GPR158: variants seen among roughly 807,000 people sequenced by gnomAD.
GPR158 encodes G protein-coupled receptor 158, also known as metabotropic glycine receptor.
A neutral mutation model predicts 78.2 loss-of-function variants in GPR158; 30 were observed. The observed-to-expected ratio is 0.38, with a 90% CI of 0.29 to 0.52. The LOEUF is 0.52. GPR158 is among the 20% of genes least tolerant of loss of function. GPR158 has a pLI of 0.83. For synonymous variants in GPR158, 581 were observed against 591.1 expected (o/e 0.98, Z 0.25); for missense variants, 1,463 against 1,523.5 (o/e 0.96, Z 0.66).
intron 1 of GPR158, among the ~76,000 whole-genome samples, chr10:25,191,509 A>G (rs567790341): frequency 2.6e-5 from 4 of 152,358 alleles, no homozygotes; most frequent in Middle Eastern, 3.4e-3. Context: ...TCTGAAGTCT[A>G]TATTAAACAC....
chr10:25,210,378 GAAATCCAA>G (rs1853110976), intron 1 of GPR158, among the ~76,000 whole-genome samples: 1 of 152,120 alleles, frequency 6.6e-6, no homozygotes, highest in Non-Finnish European at 1.5e-5. Flanking sequence ...CTTCAAATGA[GAAATCCAA>G]AAGCAGGATT....
intron 1 of GPR158, among the ~76,000 whole-genome samples, chr10:25,219,573 C>T (rs1164455328): frequency 6.6e-6 from 1 of 152,194 alleles, no homozygotes; most frequent in Admixed American, 6.5e-5. Context: ...TCTGGATTAT[C>T]TGGATAAACC....
At chr10:25,512,982 C>G (rs1013522293) in intron 5 of GPR158, among the ~76,000 whole-genome samples, 2 of 151,958 alleles carry the variant, frequency 1.3e-5, no homozygotes, top group African/African-American at 4.8e-5. Flanking sequence ...GGATATTTGT[C>G]TGTAGTTTTC....
intron 2 of GPR158, among the ~76,000 whole-genome samples, chr10:25,319,310 G>A (rs577798711): frequency 6.6e-6 from 1 of 152,220 alleles, no homozygotes; most frequent in East Asian, 1.9e-4. Flanking sequence ...ACAGTATATT[G>A]ACATTTACTG....
chr10:25,529,786 C>T (rs2130692020), intron 5 of GPR158, among the ~76,000 whole-genome samples: 1 of 152,240 alleles, frequency 6.6e-6, no homozygotes, highest in Non-Finnish European at 1.5e-5. Flanking sequence ...CCACTGGGAC[C>T]ATGGCCTGAT....
At chr10:25,281,989 A>T (rs1357879239) in intron 2 of GPR158, among the ~76,000 whole-genome samples, 1 of 152,206 alleles carries the variant, frequency 6.6e-6, no homozygotes, top group Non-Finnish European at 1.5e-5. Context: ...AAATTTGCAT[A>T]AACTAAAATT....
intron 2 of GPR158, among the ~76,000 whole-genome samples, chr10:25,265,907 A>G (rs768660878): frequency 2.0e-5 from 3 of 152,120 alleles, no homozygotes; most frequent in African/African-American, 4.8e-5. Flanking sequence ...TGAAACTCTG[A>G]TGTTACCACC....
At chr10:25,533,333 A>T (rs1836450117) in intron 5 of GPR158, among the ~76,000 whole-genome samples, 1 of 152,228 alleles carries the variant, frequency 6.6e-6, no homozygotes, top group Non-Finnish European at 1.5e-5. Flanking sequence ...TAAGAAAAAA[A>T]TCATTCAGTC....
intron 3 of GPR158, among the ~76,000 whole-genome samples, chr10:25,410,769 A>G (rs1428349820): frequency 1.3e-5 from 2 of 152,116 alleles, no homozygotes; most frequent in South Asian, 2.1e-4. Context: ...AATAAAATCC[A>G]TTTGCTTTTC....
chr10:25,308,653 TC>T (rs1854719171), intron 2 of GPR158, among the ~76,000 whole-genome samples: 1 of 152,170 alleles, frequency 6.6e-6, no homozygotes, highest in Admixed American at 6.6e-5. Context: ...ACTCTCCATT[TC>T]CAGAACTCTT....
intron 6 of GPR158, among the ~76,000 whole-genome samples, chr10:25,559,045 T>A (rs1393617408): frequency 1.3e-5 from 2 of 152,200 alleles, no homozygotes; most frequent in Non-Finnish European, 2.9e-5. Flanking sequence ...CATCAGTTAT[T>A]GAGAGAGGGG....
At chr10:25,537,286 C>T (rs1836513524) in intron 5 of GPR158, among the ~76,000 whole-genome samples, 1 of 152,110 alleles carries the variant, frequency 6.6e-6, no homozygotes, top group African/African-American at 2.4e-5. Context: ...GCTCTTTCAG[C>T]CTTAATATAG....
At chr10:25,189,524 A>G (rs906989696) in intron 1 of GPR158, among the ~76,000 whole-genome samples, 2 of 152,138 alleles carry the variant, frequency 1.3e-5, no homozygotes, top group African/African-American at 4.8e-5. Context: ...TTCTCAGCAA[A>G]CTATCACAAG....
chr10:25,241,174 TTTCTTTCTTTCTTTCC>T (rs1853606485), intron 2 of GPR158, among the ~76,000 whole-genome samples: 1 of 111,834 alleles, frequency 8.9e-6, no homozygotes, highest in Non-Finnish European at 1.8e-5. Flanking sequence ...TCTTTCTTTC[TTTCTTTCTTTCTTTCC>T]TTTCTTTCTT....
In GPR158 at chr10:25,596,536, G is replaced by GGTATAGATATAGATACCT. The variant is rs1261243293; in HGVS notation, c.1999-106_1999-89dup. 4.2e-6 allele frequency: 3 copies of GGTATAGATATAGATACCT among 710,174 alleles called. No homozygotes were observed. In the African/African-American group the frequency reaches 5.4e-5, roughly 13 times the overall value. 44.0% of individuals were successfully genotyped at this position (710,174 alleles called of 1,614,324 possible). ...ATATATAGATAGATAGATAGATCTA[G>GGTATAGATATAGATACCT]GTATAGATATAGATACCTATATAGA... On this transcript the variant is annotated intron_variant, in intron 9 of 10. Transcript: ENST00000376351.
At chr10:25,234,554 A>T (rs190194579) in intron 2 of GPR158, among the ~76,000 whole-genome samples, 1 of 152,170 alleles carries the variant, frequency 6.6e-6, no homozygotes, top group African/African-American at 2.4e-5. Flanking sequence ...AAAGGATGGA[A>T]TATTCTGTAT....
intron 4 of GPR158, among the ~76,000 whole-genome samples, chr10:25,437,867 G>A (rs1191837437): frequency 1.3e-5 from 2 of 152,198 alleles, no homozygotes; most frequent in South Asian, 2.1e-4. Context: ...AGAGGAGCCC[G>A]AGGATTGAAG....
At position 25,519,428 on chromosome 10, in the gene GPR158, G is replaced by GGT. The variant is rs1433344479; in HGVS notation, c.1405-31546_1405-31545dup. 9.4e-4 allele frequency among the ~76,000 whole-genome samples: 119 copies of GGT among 126,264 alleles called. 2 individuals are homozygous for GGT. The East Asian group carries it at 0.026, about 27-fold the overall frequency. 82.8% of individuals were successfully genotyped at this position (126,264 alleles called of 152,430 possible). A position where few individuals can be genotyped will look rare whatever the true frequency, so the allele number is the denominator to read the frequency against. ...TGATCCTGTCATTATGATGTTAGCT[G>GGT]GTGATTTTGCTCGTTAGTTGATGCA... On this transcript the variant is annotated intron_variant, in intron 5 of 10. Coordinates refer to ENST00000376351, the MANE Select transcript of GPR158 (RefSeq NM_020752.3).
At chr10:25,583,358 T>C (rs1012353569) in intron 7 of GPR158, among the ~76,000 whole-genome samples, 2 of 152,226 alleles carry the variant, frequency 1.3e-5, no homozygotes, top group African/African-American at 4.8e-5. Context: ...TAAAGTCACT[T>C]GTAACTTAAC....
Sources: allele counts gnomAD v4.1 joint callset (sites outside exome capture counted in the v4.1 genomes callset), GRCh38; gene constraint gnomAD v4.1.1; transcripts MANE v1.5; gene names NCBI Gene and HGNC (gene_info 2026-07-23, HGNC 2026-07-21).